Variants in PROX2 observed in about 807,000 individuals in gnomAD.
PROX2 encodes prospero homeobox 2, also known as prospero homeobox protein 2.
PROX2 carries 46 observed loss-of-function variants against 48.9 expected under a neutral mutation model. That is an observed-to-expected ratio of 0.94 (90% CI 0.74 to 1.20). PROX2 has a LOEUF of 1.20. Ranked by LOEUF, PROX2 falls within the 50% of genes most tolerant of loss-of-function variation. The pLI is 0.00. For synonymous variants in PROX2, 260 were observed against 276.6 expected (o/e 0.94, Z 0.60); for missense variants, 663 against 719.4 (o/e 0.92, Z 0.90).
In PROX2 at chr14:74,876,109, G is replaced by A. The variant is rs927224230; in HGVS notation, c.-524C>T. Among the ~76,000 whole-genome samples the A allele has an allele frequency of 1.3e-5, 2 of 152,230 alleles. No homozygotes were observed. The highest frequency in any genetic ancestry group is 1.9e-4 in the East Asian group (1 of 5,192). On this transcript the variant is annotated 5_prime_UTR_variant, in exon 1 of 6. Transcript: ENST00000556489. ...TGGCCCCTTCTTAGCACAAGGCACT[G>A]TCTGACAGACCCAGTCTTGCTGCAG...
At chr14:74,858,639 C>A in intron 3 of PROX2, 125 bp from the exon 4 acceptor site, 1 of 609,816 alleles carries the variant, frequency 1.6e-6, no homozygotes. Context: ...TGTGTATTTG[C>A]TCCATTTTTC....
At chr14:74,865,179 T>C (rs965779764) in intron 2 of PROX2, 1 of 148,928 alleles carries the variant, frequency 6.7e-6, no homozygotes, top group Non-Finnish European at 1.5e-5. Context: ...AAAAAAACAC[T>C]GCCGTCCTAA....
chr14:74,874,258 T>G (rs1331731594), intron 1 of PROX2: 12 of 353,054 alleles, frequency 3.4e-5, no homozygotes, highest in East Asian at 1.5e-4. Flanking sequence ...CAAGTTTTTT[T>G]TTTTTTTTTT....
At chr14:74,860,257 G>A (rs141162330) in intron 3 of PROX2, among the ~76,000 whole-genome samples, 133 of 152,310 alleles carry the variant, frequency 8.7e-4, no homozygotes, top group African/African-American at 3.2e-3. Flanking sequence ...AACATCCACA[G>A]CTGAGACAGT....
At chr14:74,868,541 G>C (rs1381880404) in intron 2 of PROX2, among the ~76,000 whole-genome samples, 1 of 151,270 alleles carries the variant, frequency 6.6e-6, no homozygotes, top group Non-Finnish European at 1.5e-5. Flanking sequence ...CACTATTATA[G>C]AAGCATAGAC....
chr14:74,867,044 G>T (rs1883083284), intron 2 of PROX2, among the ~76,000 whole-genome samples: 1 of 152,162 alleles, frequency 6.6e-6, no homozygotes, highest in African/African-American at 2.4e-5. Context: ...ACCAGTACAG[G>T]CAGGTGGATA....
At chr14:74,861,123 G>T in intron 3 of PROX2, 1 of 946,188 alleles carries the variant, frequency 1.1e-6, no homozygotes, top group Non-Finnish European at 1.5e-6. Flanking sequence ...AGGACACAAA[G>T]GCAGGTTCTG....
In PROX2 at chr14:74,855,042, A is replaced by G; in HGVS notation, c.*90T>C. The stretch of plus-strand genomic sequence containing the variant: ...GAGGAGATTTCCTTGTGCCCTTTTT[A>G]TATGACTACAGCTAAATTGCCCTTT... On this transcript the variant is annotated 3_prime_UTR_variant, in exon 6 of 6. Coordinates refer to ENST00000556489, the MANE Select transcript of PROX2 (RefSeq NM_001243007.2). The G allele has an allele frequency of 1.2e-6, 1 of 833,698 alleles. No individual in the cohort carries two copies. Among genetic ancestry groups the G allele is most frequent in the Non-Finnish European group, 1.7e-6 (1 of 576,366 alleles). 51.6% of individuals were successfully genotyped at this position (833,698 alleles called of 1,614,324 possible). A position where few individuals can be genotyped will look rare whatever the true frequency, so the allele number is the denominator to read the frequency against.
chr14:74,864,791 A>G (rs8014222), intron 2 of PROX2, among the ~76,000 whole-genome samples: 17,234 of 151,042 alleles, frequency 0.11, 1,685 homozygotes, highest in African/African-American at 0.27. Flanking sequence ...GCCATGAGCC[A>G]AGATTGCCCC....
chr14:74,862,239 G>C (rs761827711), intron 3 of PROX2, among the ~76,000 whole-genome samples: 25 of 151,672 alleles, frequency 1.6e-4, no homozygotes, highest in Non-Finnish European at 3.2e-4. Flanking sequence ...GTCTCTCTCT[G>C]TTGCCCAGCT....
chr14:74,855,377 C>T (rs778281655), intron 5 of PROX2, 75 bp from the exon 6 acceptor site: 42 of 1,245,122 alleles, frequency 3.4e-5, no homozygotes, highest in Middle Eastern at 2.9e-4. Flanking sequence ...CCCTCACTAG[C>T]GGGTGCTGCC....
intron 2 of PROX2, among the ~76,000 whole-genome samples, chr14:74,870,315 A>C (rs1169672125): frequency 6.6e-6 from 1 of 151,354 alleles, no homozygotes; most frequent in African/African-American, 2.4e-5. Context: ...AGTCTCAGCT[A>C]CTAGGGAGGC....
intron 2 of PROX2, among the ~76,000 whole-genome samples, chr14:74,869,036 A>G (rs1490174893): frequency 6.6e-6 from 1 of 152,094 alleles, no homozygotes; most frequent in East Asian, 1.9e-4. Context: ...AAGTTAACAC[A>G]TGTTATATTT....
intron 3 of PROX2, among the ~76,000 whole-genome samples, chr14:74,860,302 AC>A (rs2091784283): frequency 6.6e-6 from 1 of 152,252 alleles, no homozygotes; most frequent in Non-Finnish European, 1.5e-5. Context: ...CTGCAGCAGA[AC>A]GTATGACTAT....
At chr14:74,870,086 A>G (rs940458599) in intron 2 of PROX2, among the ~76,000 whole-genome samples, 1 of 151,806 alleles carries the variant, frequency 6.6e-6, no homozygotes, top group African/African-American at 2.4e-5. Flanking sequence ...ATTATTTTAT[A>G]AAACTGGAGT....
chr14:74,870,926 C>T (rs924981683), intron 2 of PROX2, among the ~76,000 whole-genome samples, 177 bp downstream of exon 2: 1 of 152,112 alleles, frequency 6.6e-6, no homozygotes, highest in Admixed American at 6.5e-5. Context: ...TCTGTAATCC[C>T]AGCTACTTGG....
intron 2 of PROX2, among the ~76,000 whole-genome samples, chr14:74,868,428 A>G (rs1883129464): frequency 6.7e-6 from 1 of 149,120 alleles, no homozygotes; most frequent in Admixed American, 6.7e-5. Flanking sequence ...GTGGATGAAT[A>G]TCAATCTACA....
At chr14:74,871,942 TC>T (rs1263239161) in intron 1 of PROX2, 4 of 152,262 alleles carry the variant, frequency 2.6e-5, no homozygotes, top group African/African-American at 9.7e-5. Context: ...TGGGTCTATG[TC>T]CTTCCATGGA....
At chr14:74,856,576 T>C in intron 5 of PROX2, 1 of 551,496 alleles carries the variant, frequency 1.8e-6, no homozygotes, top group Middle Eastern at 4.8e-4. Context: ...GCCCTCTCAC[T>C]AAGCTTCAGA....
Sources: gnomAD v4.1 joint callset for allele counts (sites outside exome capture counted in the v4.1 genomes callset) on GRCh38, gnomAD v4.1.1 for gene constraint, MANE v1.5 for transcripts, NCBI Gene and HGNC (gene_info 2026-07-23, HGNC 2026-07-21) for gene names.